The following AASS variants were observed in gnomAD, a reference collection of about 807,000 sequenced individuals.
AASS encodes the protein aminoadipate-semialdehyde synthase.
In AASS, 86 loss-of-function variants were observed where a neutral mutation model predicts 105.4. The observed-to-expected ratio is 0.82, with a 90% CI of 0.69 to 0.98. AASS has a LOEUF of 0.98. Ranked by LOEUF, AASS falls within the 50% of genes least tolerant of loss-of-function variation. AASS has a pLI of 0.00. For synonymous variants in AASS, 381 were observed against 394.8 expected (o/e 0.96, Z 0.41); for missense variants, 1,048 against 1,143.2 (o/e 0.92, Z 1.20).
At chr7:122,130,301 C>G (rs1795852423) in intron 2 of AASS, among the ~76,000 whole-genome samples, 1 of 151,840 alleles carries the variant, frequency 6.6e-6, no homozygotes, top group African/African-American at 2.4e-5. Context: ...ATGGTAATAT[C>G]AGTAAGAGGC....
At chr7:122,115,769 A>G (rs1208111868) in intron 8 of AASS, among the ~76,000 whole-genome samples, 2 of 152,140 alleles carry the variant, frequency 1.3e-5, no homozygotes, top group Non-Finnish European at 2.9e-5. Flanking sequence ...CCAATCACCA[A>G]TACTTCTGTG....
chr7:122,110,756 A>C (rs1371309400), intron 11 of AASS, among the ~76,000 whole-genome samples: 1 of 151,806 alleles, frequency 6.6e-6, no homozygotes, highest in African/African-American at 2.4e-5. Context: ...AACTCAACAA[A>C]ATAATGTGGA....
intron 1 of AASS, among the ~76,000 whole-genome samples, chr7:122,140,459 C>A (rs1398301719): frequency 8.9e-6 from 1 of 112,570 alleles, no homozygotes; most frequent in African/African-American, 3.8e-5. Context: ...GCACTCCAGC[C>A]TGGGCGACAG....
intron 11 of AASS, among the ~76,000 whole-genome samples, chr7:122,109,518 G>C (rs1436126870): frequency 6.6e-6 from 1 of 151,776 alleles, no homozygotes; most frequent in Non-Finnish European, 1.5e-5. Context: ...CACCAGTTTT[G>C]GAGAAAAGTG....
In AASS at chr7:122,115,085, TG is replaced by T; in HGVS notation, c.1031del (p.Ala344AspfsTer20). On this transcript the variant is annotated frameshift_variant, in exon 9 of 24. Coordinates refer to ENST00000417368, the MANE Select transcript of AASS (RefSeq NM_005763.4). LOFTEE classifies it high-confidence loss of function. ...AGTAGAGTCCTTACTTGTGTGGTAA[TG>T]CAGGGCAGCCTTCCACACCAGCAGG... ...FSPAGVEGCP[A>X]LPHKLVAICD... 6.2e-7 allele frequency: 1 copy of T among 1,614,108 alleles called. No homozygotes were observed. The highest frequency in any genetic ancestry group is 1.1e-5 in the South Asian group (1 of 91,080).
intron 1 of AASS, among the ~76,000 whole-genome samples, chr7:122,141,590 A>AAAAC (rs1013040386): frequency 2.0e-5 from 3 of 151,678 alleles, no homozygotes; most frequent in East Asian, 1.9e-4. Flanking sequence ...ATGCAGCAAG[A>AAAAC]AAACAAACAA....
intron 11 of AASS, among the ~76,000 whole-genome samples, chr7:122,102,831 G>A (rs759110776): frequency 1.6e-4 from 25 of 151,556 alleles, no homozygotes; most frequent in South Asian, 4.2e-4. Flanking sequence ...TTTTGAATAC[G>A]CAATGTCTGG....
chr7:122,120,142 C>T (rs1223368915), intron 4 of AASS, among the ~76,000 whole-genome samples: 1 of 152,130 alleles, frequency 6.6e-6, no homozygotes, highest in African/African-American at 2.4e-5. Flanking sequence ...GTTGATTTCT[C>T]TGCTCATCAT....
intron 1 of AASS, among the ~76,000 whole-genome samples, chr7:122,142,284 TA>T: frequency 6.6e-6 from 1 of 152,096 alleles, no homozygotes; most frequent in Non-Finnish European, 1.5e-5. Context: ...TCATAAACAA[TA>T]AATTTTAAGA....
intron 20 of AASS, among the ~76,000 whole-genome samples, chr7:122,080,602 A>G (rs1458642129): frequency 6.6e-6 from 1 of 152,180 alleles, no homozygotes; most frequent in East Asian, 1.9e-4. Context: ...ACACAAAAAA[A>G]ATGAATGTAA....
intron 1 of AASS, among the ~76,000 whole-genome samples, chr7:122,141,176 C>G (rs1796376332): frequency 6.6e-6 from 1 of 152,122 alleles, no homozygotes; most frequent in African/African-American, 2.4e-5. Context: ...TTTAATGCTT[C>G]CATGTTAAAC....
At position 122,117,076 on chromosome 7, in the gene AASS, C is replaced by T. The variant is rs139121241; in HGVS notation, c.688-119G>A. ...ATAGCTCCACTTGCCTTCCCTACAACCAGGACTGCAACACAGAAATACAGA... is the reference window on the plus strand; with the variant it reads ...ATAGCTCCACTTGCCTTCCCTACAATCAGGACTGCAACACAGAAATACAGA... On this transcript the variant is annotated intron_variant, in intron 6 of 23. Coordinates refer to ENST00000417368, the MANE Select transcript of AASS (RefSeq NM_005763.4). 3.8e-4 allele frequency: 336 copies of T among 884,032 alleles called. 1 individual carries two copies. The highest frequency in any genetic ancestry group is 2.2e-3 in the Middle Eastern group (8 of 3,670). The allele number at this position is 884,032 out of a possible 1,614,324, so 54.8% of individuals were successfully genotyped here. A position where few individuals can be genotyped will look rare whatever the true frequency, so the allele number is the denominator to read the frequency against.
intron 15 of AASS, among the ~76,000 whole-genome samples, chr7:122,097,403 T>A (rs1277753294): frequency 6.6e-6 from 1 of 152,048 alleles, no homozygotes; most frequent in Admixed American, 6.6e-5. Context: ...CAGGGGTACA[T>A]GTGCAGGTTT....
intron 20 of AASS, among the ~76,000 whole-genome samples, chr7:122,081,142 C>T (rs941849944): frequency 2.0e-5 from 3 of 152,164 alleles, no homozygotes; most frequent in Non-Finnish European, 4.4e-5. Context: ...ACACTAGTAA[C>T]TCTCCTGGAT....
At chr7:122,113,923 CAA>C (rs776611119) in intron 9 of AASS, among the ~76,000 whole-genome samples, 16 of 56,242 alleles carry the variant, frequency 2.8e-4, no homozygotes, top group Admixed American at 4.2e-4. Context: ...TTTTAGTCTC[CAA>C]AAAAAAAAAA....
At chr7:122,115,344 T>G in intron 8 of AASS, 122 bp from the exon 9 acceptor site, 1 of 1,296,014 alleles carries the variant, frequency 7.7e-7, no homozygotes, top group Admixed American at 1.9e-5. Context: ...ATTGATTTTC[T>G]TATTGTCCAT....
At chr7:122,098,925 T>A (rs936380210) in intron 13 of AASS, 59 bp from the exon 14 acceptor site, 76 of 1,477,634 alleles carry the variant, frequency 5.1e-5, no homozygotes, top group African/African-American at 1.7e-4. Flanking sequence ...AATTTTTTTT[T>A]AAATAACAGA....
intron 18 of AASS, among the ~76,000 whole-genome samples, chr7:122,089,970 G>C (rs1002231306): frequency 4.6e-5 from 7 of 152,214 alleles, no homozygotes; most frequent in African/African-American, 1.7e-4. Flanking sequence ...CTGTTGGAAT[G>C]CAATAGGAGA....
In AASS at chr7:122,115,162, G is replaced by T; in HGVS notation, c.955C>A (p.Leu319Ile). The change falls in exon 9 of 24, where the codon CTC becomes ATC. Residue 319 changes from leucine (L) to isoleucine (I), a missense_variant. By Grantham distance (5) the Leu-to-Ile change is conservative. Coordinates refer to ENST00000417368, the MANE Select transcript of AASS (RefSeq NM_005763.4). ...CTCTGAGCATCTTGGCGGGTTAGGA[G>T]GCGAGGAGTGTTTTGTTCCCAGTAG... ...GIYWEQNTPR[L>I]LTRQDAQSLL... 1 of 1,614,144 alleles carries T rather than the reference G, an allele frequency of 6.2e-7. No individual in the cohort carries two copies. The highest frequency in any genetic ancestry group is 8.5e-7 in the Non-Finnish European group (1 of 1,180,028).
Sources: allele counts gnomAD v4.1 joint callset (sites outside exome capture counted in the v4.1 genomes callset), GRCh38; gene constraint gnomAD v4.1.1; transcripts MANE v1.5; gene names NCBI Gene and HGNC (gene_info 2026-07-23, HGNC 2026-07-21).